RBFOX1: variants seen among roughly 807,000 people sequenced by gnomAD.
RBFOX1 encodes the protein RNA binding fox-1 homolog 1.
In RBFOX1, 8 loss-of-function variants were observed where a neutral mutation model predicts 57.7. The observed-to-expected ratio is 0.14, with a 90% CI of 0.08 to 0.25. The LOEUF is 0.25. RBFOX1 is among the 10% of genes least tolerant of loss of function. The pLI is 1.00. For synonymous variants in RBFOX1, 326 were observed against 222.4 expected (o/e 1.47, Z -4.15); for missense variants, 611 against 548.5 (o/e 1.11, Z -1.14).
chr16:5,271,149 C>T (rs951813185), intron 1 of RBFOX1, among the ~76,000 whole-genome samples: 1 of 152,002 alleles, frequency 6.6e-6, no homozygotes, highest in Non-Finnish European at 1.5e-5. Context: ...CATCATTGCA[C>T]TCCAGCCTGG....
intron 4 of RBFOX1, among the ~76,000 whole-genome samples, chr16:5,887,587 A>G (rs1037326009): frequency 6.6e-6 from 1 of 152,088 alleles, no homozygotes; most frequent in African/African-American, 2.4e-5. Flanking sequence ...TCTTTTAAGT[A>G]GAGATGAGGT....
intron 1 of RBFOX1, among the ~76,000 whole-genome samples, chr16:6,291,865 A>G (rs2077499663): frequency 6.6e-6 from 1 of 152,162 alleles, no homozygotes; most frequent in Admixed American, 6.5e-5. Context: ...TAAATCTAAG[A>G]TGATTGAGAC....
chr16:6,786,890 G>C lies in RBFOX1; in HGVS notation c.-16+132240G>C, dbSNP rs752560501. Among the ~76,000 whole-genome samples, 5 of 125,178 alleles carry C rather than the reference G, an allele frequency of 4.0e-5. No homozygotes were observed. In the South Asian group the frequency reaches 1.4e-3, roughly 35 times the overall value. 82.1% of individuals were successfully genotyped at this position (125,178 alleles called of 152,430 possible). A position where few individuals can be genotyped will look rare whatever the true frequency, so the allele number is the denominator to read the frequency against. ...CCAGAAGGAAGAGAATTGCTTAGCC[G>C]GCAGGCTTTTTTACTTTTAAAAAAA... is the stretch of plus-strand genomic sequence containing the variant. On this transcript the variant is annotated intron_variant, in intron 3 of 15. Transcript: ENST00000550418.
chr16:7,701,517 G>A (rs1309457660), intron 14 of RBFOX1, among the ~76,000 whole-genome samples: 6 of 152,010 alleles, frequency 3.9e-5, no homozygotes, highest in Admixed American at 3.9e-4. Flanking sequence ...TTTTTTTCCT[G>A]AAACTATTCT....
At chr16:5,610,484 C>G (rs975823980) in intron 3 of RBFOX1, 1 of 152,164 alleles carries the variant, frequency 6.6e-6, no homozygotes, top group Non-Finnish European at 1.5e-5. Context: ...TTACCTAAAA[C>G]TGTGGTCTTG....
At chr16:5,480,500 A>C (rs2069497240) in intron 2 of RBFOX1, among the ~76,000 whole-genome samples, 1 of 152,246 alleles carries the variant, frequency 6.6e-6, no homozygotes, top group South Asian at 2.1e-4. Context: ...GCTGCCGCTG[A>C]AAATGCACGG....
At chr16:6,460,117 G>C (rs8054821) in intron 2 of RBFOX1, among the ~76,000 whole-genome samples, 1 of 147,936 alleles carries the variant, frequency 6.8e-6, no homozygotes, top group African/African-American at 2.5e-5. Flanking sequence ...CAGCATTGCA[G>C]ACTTGGCAGC....
chr16:6,641,887 G>C (rs2098493663), intron 2 of RBFOX1, among the ~76,000 whole-genome samples: 1 of 151,902 alleles, frequency 6.6e-6, no homozygotes, highest in Non-Finnish European at 1.5e-5. Flanking sequence ...CTCACCTGGG[G>C]AACACACACA....
At chr16:5,623,945 T>C (rs2048272986) in intron 3 of RBFOX1, among the ~76,000 whole-genome samples, 1 of 152,170 alleles carries the variant, frequency 6.6e-6, no homozygotes, top group Non-Finnish European at 1.5e-5. Flanking sequence ...ATCAGCACAA[T>C]CAACTTTAGA....
intron 4 of RBFOX1, among the ~76,000 whole-genome samples, chr16:7,370,838 G>T (rs1174662255): frequency 6.6e-6 from 1 of 152,270 alleles, no homozygotes; most frequent in South Asian, 2.1e-4. Flanking sequence ...TCTTTGGTAG[G>T]CATGATTAAT....
chr16:6,478,564 C>T (rs1222728520), intron 2 of RBFOX1, among the ~76,000 whole-genome samples: 1 of 150,676 alleles, frequency 6.6e-6, no homozygotes, highest in Non-Finnish European at 1.5e-5. Context: ...GCTGTCCCAG[C>T]TTTAAAAGTG....
chr16:6,368,717 C>T (rs1176654791), intron 2 of RBFOX1, among the ~76,000 whole-genome samples: 2 of 152,166 alleles, frequency 1.3e-5, no homozygotes, highest in Admixed American at 6.5e-5. Context: ...ATCAATTAGT[C>T]ATATGTACCA....
At chr16:6,055,866 A>T (rs1033101417) in intron 1 of RBFOX1, among the ~76,000 whole-genome samples, 1 of 152,160 alleles carries the variant, frequency 6.6e-6, no homozygotes, top group African/African-American at 2.4e-5. Flanking sequence ...TCAGAATCCC[A>T]TGGTTACAGT....
rs144668949 is a variant in RBFOX1, at chr16:6,250,587, C to A, written c.-126-66408C>A. ...CTAGTTAATTTTCATGCAGGAGAAG[C>A]CTTTGAAACCCAGGCCTCTTTTATG... On this transcript the variant is annotated intron_variant, in intron 1 of 15. Coordinates refer to ENST00000550418, the MANE Select transcript of RBFOX1 (RefSeq NM_018723.4). Among the ~76,000 whole-genome samples, 901 of 152,228 alleles carry A rather than the reference C, an allele frequency of 5.9e-3. 3 individuals are homozygous for A. Among genetic ancestry groups the A allele is most frequent in the Middle Eastern group, 0.014 (4 of 294 alleles).
At chr16:7,701,795 C>T (rs1392152054) in intron 14 of RBFOX1, among the ~76,000 whole-genome samples, 3 of 152,180 alleles carry the variant, frequency 2.0e-5, no homozygotes, top group Non-Finnish European at 4.4e-5. Context: ...ATCTGAAGTC[C>T]AGAACTCAGT....
intron 3 of RBFOX1, among the ~76,000 whole-genome samples, chr16:6,909,837 G>C (rs1014639844): frequency 2.6e-5 from 4 of 152,104 alleles, no homozygotes; most frequent in Admixed American, 2.6e-4. Flanking sequence ...TGTGCAGTTG[G>C]GGGTGTCTGC....
At chr16:6,087,028 A>G (rs2096095944) in intron 1 of RBFOX1, among the ~76,000 whole-genome samples, 1 of 152,206 alleles carries the variant, frequency 6.6e-6, no homozygotes, top group African/African-American at 2.4e-5. Context: ...ATATACATTG[A>G]GTGGTGATGT....
intron 4 of RBFOX1, among the ~76,000 whole-genome samples, chr16:7,070,350 A>T (rs1239226487): frequency 1.3e-5 from 2 of 152,212 alleles, no homozygotes; most frequent in Non-Finnish European, 2.9e-5. Context: ...ACATGGAGGC[A>T]TGATTTTGGA....
chr16:6,199,726 T>A (rs761940304), intron 1 of RBFOX1, among the ~76,000 whole-genome samples: 15 of 152,212 alleles, frequency 9.9e-5, no homozygotes, highest in Non-Finnish European at 2.1e-4. Flanking sequence ...GAGTTTTATC[T>A]GTGAAAACCA....
Sources: allele counts gnomAD v4.1 joint callset (sites outside exome capture counted in the v4.1 genomes callset), GRCh38; gene constraint gnomAD v4.1.1; transcripts MANE v1.5; gene names NCBI Gene and HGNC (gene_info 2026-07-23, HGNC 2026-07-21).